The following PTPRJ variants were observed in gnomAD, a reference collection of about 807,000 sequenced individuals.
PTPRJ encodes protein tyrosine phosphatase receptor type J.
PTPRJ carries 129 observed loss-of-function variants against 141.3 expected under a neutral mutation model. That is an observed-to-expected ratio of 0.91 (90% CI 0.79 to 1.06). The LOEUF is 1.06. Among genes scored for constraint, PTPRJ ranks in the 50% least tolerant of loss-of-function variants. The pLI, the probability that PTPRJ is intolerant of heterozygous loss-of-function variation, is 0.00. For missense variants in PTPRJ, 1,601 were observed against 1,679.7 expected (o/e 0.95, Z 0.82); for synonymous variants, 610 against 640.5 (o/e 0.95, Z 0.72).
At chr11:48,066,169 A>C (rs1369509048) in intron 1 of PTPRJ, among the ~76,000 whole-genome samples, 1 of 152,148 alleles carries the variant, frequency 6.6e-6, no homozygotes, top group Non-Finnish European at 1.5e-5. Context: ...AACAAAAAAA[A>C]CCAAAGTAAT....
chr11:48,053,221 TA>T (rs1246796311), intron 1 of PTPRJ, among the ~76,000 whole-genome samples: 2 of 87,914 alleles, frequency 2.3e-5, no homozygotes, highest in African/African-American at 1.1e-4. Context: ...TATAATATAT[TA>T]AATATATTAT....
rs993795198 is a variant in PTPRJ at position 48,167,587 on chromosome 11, A to G, written c.*225A>G. 6 of 403,134 alleles carry G rather than the reference A, an allele frequency of 1.5e-5. No homozygotes were observed. The highest frequency in any genetic ancestry group is 2.1e-5 in the Non-Finnish European group (5 of 233,232). The allele number at this position is 403,134 out of a possible 1,614,324, so 25.0% of individuals were successfully genotyped here. ...AAATCATCTGCATTCCTGATGACCAATGGGATGAGGTCACTTTTTTTTTTT... is the reference window on the plus strand; with the variant it reads ...AAATCATCTGCATTCCTGATGACCAGTGGGATGAGGTCACTTTTTTTTTTT... On this transcript the variant is annotated 3_prime_UTR_variant, in exon 25 of 25. Transcript: ENST00000418331.
chr11:48,149,465 T>C lies in PTPRJ; in HGVS notation c.3018T>C (p.Asn1006=), dbSNP rs1418663804. The C allele has an allele frequency of 2.6e-6, 4 of 1,519,004 alleles. No individual in the cohort carries two copies. The African/African-American group carries it at 5.6e-5, about 21-fold the overall frequency. The allele number at this position is 1,519,004 out of a possible 1,614,324, so 94.1% of individuals were successfully genotyped here. ...WRKKRKDAKN[N]EVSFSQIKPK... ...AAAACAGGAAAGATGCAAAGAATAA[T>C]GAAGTGTCCTTTTCTCAAATTAAGT... Residue 1006 remains asparagine (N), a synonymous_variant, in exon 16 of 25, where the codon AAT becomes AAC. Transcript: ENST00000418331.
intron 1 of PTPRJ, among the ~76,000 whole-genome samples, chr11:48,092,386 A>G (rs1259635052): frequency 1.3e-5 from 2 of 151,970 alleles, no homozygotes; most frequent in African/African-American, 4.8e-5. Context: ...GTAGTTACCA[A>G]ACTGATAAGG....
chr11:48,025,269 G>C (rs1453013032), intron 1 of PTPRJ, among the ~76,000 whole-genome samples: 1 of 152,198 alleles, frequency 6.6e-6, no homozygotes. Context: ...GCCCCCATTG[G>C]AAACTGGAGG....
chr11:47,985,260 G>A (rs966339369), intron 1 of PTPRJ, among the ~76,000 whole-genome samples: 2 of 151,930 alleles, frequency 1.3e-5, no homozygotes, highest in South Asian at 2.1e-4. Flanking sequence ...GGCTCCTCTC[G>A]TTTTAGCCTC....
At chr11:48,152,293 T>A (rs1457887656) in intron 18 of PTPRJ, among the ~76,000 whole-genome samples, 1 of 152,208 alleles carries the variant, frequency 6.6e-6, no homozygotes, top group Non-Finnish European at 1.5e-5. Context: ...TTGATGGGGT[T>A]GTTTGATTTT....
At chr11:48,017,569 C>CA (rs1369076893) in intron 1 of PTPRJ, among the ~76,000 whole-genome samples, 6 of 152,184 alleles carry the variant, frequency 3.9e-5, no homozygotes, top group African/African-American at 1.4e-4. Flanking sequence ...TGCTAGGTAG[C>CA]ACTGGCTTAT....
chr11:48,126,552 T>A (rs1443448253), intron 6 of PTPRJ, among the ~76,000 whole-genome samples: 1 of 152,056 alleles, frequency 6.6e-6, no homozygotes, highest in Non-Finnish European at 1.5e-5. Flanking sequence ...TGAAACACCC[T>A]CTTCCTCTTC....
intron 1 of PTPRJ, among the ~76,000 whole-genome samples, chr11:48,068,365 G>C (rs11039510): frequency 2.6e-5 from 4 of 152,122 alleles, no homozygotes; most frequent in East Asian, 1.9e-4. Flanking sequence ...ATAATTGAAT[G>C]GGGGGGTGGT....
intron 10 of PTPRJ, among the ~76,000 whole-genome samples, chr11:48,137,753 C>T (rs958815422): frequency 6.6e-5 from 10 of 152,078 alleles, no homozygotes; most frequent in African/African-American, 2.2e-4. Context: ...CCCGCAGGAA[C>T]AGGAGGATAT....
intron 1 of PTPRJ, among the ~76,000 whole-genome samples, chr11:48,032,454 A>G (rs1289213543): frequency 6.6e-6 from 1 of 152,210 alleles, no homozygotes; most frequent in Non-Finnish European, 1.5e-5. Context: ...CTTGGCTTCT[A>G]TTTAGTTAAC....
At chr11:48,062,882 G>C (rs1854976771) in intron 1 of PTPRJ, among the ~76,000 whole-genome samples, 1 of 152,244 alleles carries the variant, frequency 6.6e-6, no homozygotes, top group Admixed American at 6.5e-5. Flanking sequence ...CCTGGATAGA[G>C]GCAGGGGCAG....
At chr11:48,133,782 G>C (rs1857029657) in intron 8 of PTPRJ, among the ~76,000 whole-genome samples, 1 of 152,158 alleles carries the variant, frequency 6.6e-6, no homozygotes, top group South Asian at 2.1e-4. Flanking sequence ...CCATAAGAAA[G>C]AAAGAAATTC....
At chr11:48,036,520 A>T (rs891119458) in intron 1 of PTPRJ, among the ~76,000 whole-genome samples, 1 of 152,252 alleles carries the variant, frequency 6.6e-6, no homozygotes, top group African/African-American at 2.4e-5. Flanking sequence ...TGTTAATATT[A>T]TTTAAAAATT....
At chr11:48,144,630 C>T in intron 12 of PTPRJ, 45 bp from the exon 13 acceptor site, 2 of 1,477,708 alleles carry the variant, frequency 1.4e-6, no homozygotes. Context: ...AGAAATCTCT[C>T]TGCCATCACT....
Position 48,130,012 on chromosome 11 carries a change from C to G in PTPRJ, c.1358-447C>G, listed in dbSNP as rs561343265. 5.4e-4 allele frequency among the ~76,000 whole-genome samples: 77 copies of G among 143,596 alleles called. 2 individuals carry two copies. In the South Asian group the frequency reaches 0.017, roughly 32 times the overall value. 94.2% of individuals were successfully genotyped at this position (143,596 alleles called of 152,430 possible). On this transcript the variant is annotated intron_variant, in intron 7 of 24. Transcript: ENST00000418331. ...TTTGTTTCCAACAGGTATGCACACACAGGGCTAAAAATCTGGGTGGGTATG... is the reference window on the plus strand; with the variant it reads ...TTTGTTTCCAACAGGTATGCACACAGAGGGCTAAAAATCTGGGTGGGTATG...
intron 3 of PTPRJ, among the ~76,000 whole-genome samples, chr11:48,119,970 G>A (rs540900032): frequency 5.5e-4 from 84 of 152,268 alleles, no homozygotes; most frequent in Non-Finnish European, 1.0e-3. Flanking sequence ...ACTGGTTTAC[G>A]ATCTTGTACA....
rs185164606 is a variant in PTPRJ at position 48,143,147 on chromosome 11, C to T, written c.2575+97C>T. 3.8e-5 allele frequency: 55 copies of T among 1,448,042 alleles called. No individual in the cohort carries two copies. In the East Asian group the frequency reaches 7.6e-4, roughly 20 times the overall value. The allele number at this position is 1,448,042 out of a possible 1,614,324, so 89.7% of individuals were successfully genotyped here. Reference sequence around the variant, plus strand: ...GAGGCATGTGAGTAATGCAGACACACGCCTGTCTTCTCACTGCAGCCTATG... The same window carrying T: ...GAGGCATGTGAGTAATGCAGACACATGCCTGTCTTCTCACTGCAGCCTATG... On this transcript the variant is annotated intron_variant, in intron 12 of 24. Coordinates refer to ENST00000418331, the MANE Select transcript of PTPRJ (RefSeq NM_002843.4).
Sources: allele counts gnomAD v4.1 joint callset (sites outside exome capture counted in the v4.1 genomes callset), GRCh38; gene constraint gnomAD v4.1.1; transcripts MANE v1.5; gene names NCBI Gene and HGNC (gene_info 2026-07-23, HGNC 2026-07-21).